Variants in GRID2 observed in about 807,000 individuals in gnomAD.
The protein encoded by GRID2 is glutamate receptor ionotropic, delta-2.
Under a neutral mutation model 114.8 loss-of-function variants are expected in GRID2, and 33 were observed. That is an observed-to-expected ratio of 0.29 (90% CI 0.22 to 0.38). The LOEUF (loss-of-function observed/expected upper bound fraction) is 0.38, where lower values mean the gene tolerates loss of function less well. Ranked by LOEUF, GRID2 falls within the 10% of genes least tolerant of loss-of-function variation. GRID2 has a pLI of 1.00. For synonymous variants in GRID2, 505 were observed against 449.9 expected (o/e 1.12, Z -1.55); for missense variants, 1,184 against 1,257.7 (o/e 0.94, Z 0.89).
intron 5 of GRID2, among the ~76,000 whole-genome samples, chr4:93,215,959 C>G (rs1031016694): frequency 5.3e-5 from 8 of 151,984 alleles, no homozygotes; most frequent in African/African-American, 1.9e-4. Flanking sequence ...CACTATTAAG[C>G]ACCAACTTCT....
chr4:93,685,744 T>G (rs1038914870), intron 14 of GRID2, among the ~76,000 whole-genome samples: 1 of 152,182 alleles, frequency 6.6e-6, no homozygotes, highest in South Asian at 2.1e-4. Context: ...TTTTAGACAC[T>G]TATATCCATG....
chr4:92,989,151 C>T (rs1193610240), intron 2 of GRID2, among the ~76,000 whole-genome samples: 1 of 151,674 alleles, frequency 6.6e-6, no homozygotes, highest in African/African-American at 2.4e-5. Flanking sequence ...GTGGCACACG[C>T]CTGTAGTCCC....
intron 11 of GRID2, among the ~76,000 whole-genome samples, chr4:93,471,963 G>A (rs1670864940): frequency 6.7e-6 from 1 of 150,156 alleles, no homozygotes; most frequent in Admixed American, 6.6e-5. Context: ...GCCTCCCAAA[G>A]TGCTGGAATT....
intron 8 of GRID2, among the ~76,000 whole-genome samples, chr4:93,285,054 A>G (rs1370363963): frequency 6.6e-6 from 1 of 152,060 alleles, no homozygotes; most frequent in African/African-American, 2.4e-5. Flanking sequence ...TCAATATCTC[A>G]TCTGACTTCA....
At chr4:92,782,124 C>T (rs564782627) in intron 2 of GRID2, among the ~76,000 whole-genome samples, 8 of 151,872 alleles carry the variant, frequency 5.3e-5, no homozygotes, top group South Asian at 4.1e-4. Context: ...AATGTATATA[C>T]GAAAATGCAT....
At chr4:92,481,987 T>G (rs1362703383) in intron 1 of GRID2, among the ~76,000 whole-genome samples, 6 of 27,888 alleles carry the variant, frequency 2.2e-4, no homozygotes, top group East Asian at 1.7e-3. Context: ...ATGTGATATA[T>G]ATATATATAT....
chr4:92,382,714 T>C lies in GRID2; in HGVS notation c.88+77970T>C, dbSNP rs551409322. 7.9e-5 allele frequency among the ~76,000 whole-genome samples: 12 copies of C among 152,158 alleles called. No individual in the cohort carries two copies. In the South Asian group the frequency reaches 1.5e-3, roughly 18 times the overall value. ...ATGACCCTTATTTTATAATTATTTTTGTTTTCAATATGAGTATGCTAGTGT... is the reference window on the plus strand; with the variant it reads ...ATGACCCTTATTTTATAATTATTTTCGTTTTCAATATGAGTATGCTAGTGT... On this transcript the variant is annotated intron_variant, in intron 1 of 15. Transcript: ENST00000282020.
chr4:92,347,285 C>A (rs899893800), intron 1 of GRID2, among the ~76,000 whole-genome samples: 2 of 152,100 alleles, frequency 1.3e-5, no homozygotes, highest in South Asian at 4.1e-4. Flanking sequence ...TAATTATTCC[C>A]TGAAATTATA....
chr4:93,707,613 G>C (rs1377774629), intron 14 of GRID2, among the ~76,000 whole-genome samples: 2 of 151,662 alleles, frequency 1.3e-5, no homozygotes, highest in Admixed American at 1.3e-4. Flanking sequence ...CTGGCTAAAA[G>C]TTTTTTGATT....
intron 2 of GRID2, among the ~76,000 whole-genome samples, chr4:92,618,040 T>G (rs535135967): frequency 6.6e-6 from 1 of 151,828 alleles, no homozygotes; most frequent in Non-Finnish European, 1.5e-5. Flanking sequence ...CTTGTTTATT[T>G]TTGTGTTGTT....
chr4:92,401,049 T>G (rs1730765561), intron 1 of GRID2, among the ~76,000 whole-genome samples: 1 of 152,178 alleles, frequency 6.6e-6, no homozygotes, highest in Non-Finnish European at 1.5e-5. Context: ...GTCTTTTGAC[T>G]TTCCTGATGA....
At chr4:93,329,906 T>C (rs549526169) in intron 8 of GRID2, among the ~76,000 whole-genome samples, 26 of 128,158 alleles carry the variant, frequency 2.0e-4, no homozygotes, top group African/African-American at 5.9e-4. Context: ...TGGAGACTTA[T>C]TGCGAAAAAA....
At chr4:93,496,872 G>A (rs1011996425) in intron 12 of GRID2, among the ~76,000 whole-genome samples, 2 of 151,732 alleles carry the variant, frequency 1.3e-5, no homozygotes, top group Admixed American at 1.3e-4. Context: ...TTTTTTGTTT[G>A]TTTGTTTCTC....
chr4:92,800,964 G>A (rs752654061), intron 2 of GRID2, among the ~76,000 whole-genome samples: 41 of 151,900 alleles, frequency 2.7e-4, no homozygotes, highest in East Asian at 9.7e-4. Flanking sequence ...TTTTTCATCC[G>A]GAAACATAAT....
intron 8 of GRID2, among the ~76,000 whole-genome samples, chr4:93,279,356 A>C (rs1579524302): frequency 6.6e-6 from 1 of 152,004 alleles, no homozygotes; most frequent in East Asian, 1.9e-4. Flanking sequence ...TCAATATGTT[A>C]ATGTCTTTGG....
At chr4:93,635,919 T>G (rs954141155) in intron 14 of GRID2, among the ~76,000 whole-genome samples, 4 of 152,150 alleles carry the variant, frequency 2.6e-5, no homozygotes, top group Non-Finnish European at 5.9e-5. Flanking sequence ...TTTTAAACAA[T>G]TATAAACCTT....
chr4:93,689,993 A>G (rs542019486), intron 14 of GRID2, among the ~76,000 whole-genome samples: 1 of 152,202 alleles, frequency 6.6e-6, no homozygotes, highest in South Asian at 2.1e-4. Flanking sequence ...ATTTGAATTT[A>G]TTTTATTCTG....
At chr4:93,381,714 A>G (rs1409242627) in intron 8 of GRID2, among the ~76,000 whole-genome samples, 1 of 152,112 alleles carries the variant, frequency 6.6e-6, no homozygotes, top group Non-Finnish European at 1.5e-5. Flanking sequence ...TCCTAAAACT[A>G]CACCTTTACA....
chr4:93,026,916 G>T (rs1374379938), intron 2 of GRID2, among the ~76,000 whole-genome samples: 1 of 151,946 alleles, frequency 6.6e-6, no homozygotes, highest in Middle Eastern at 3.2e-3. Flanking sequence ...CCCATTTATA[G>T]TAGGTAACAC....
Sources: gnomAD v4.1 joint callset for allele counts (sites outside exome capture counted in the v4.1 genomes callset) on GRCh38, gnomAD v4.1.1 for gene constraint, MANE v1.5 for transcripts, NCBI Gene and HGNC (gene_info 2026-07-23, HGNC 2026-07-21) for gene names.